Variants in WDFY1 observed in about 807,000 individuals in gnomAD.
WDFY1 encodes the protein WD repeat and FYVE domain-containing protein 1.
In WDFY1, 32 loss-of-function variants were observed where a neutral mutation model predicts 56.4. That is an observed-to-expected ratio of 0.57 (90% confidence interval 0.43 to 0.76). The LOEUF is 0.76. Among genes scored for constraint, WDFY1 ranks in the 30% least tolerant of loss-of-function variants. The probability of loss-of-function intolerance (pLI) is 0.00; values close to 1 mark genes in which losing one functional copy is unlikely to be tolerated. For synonymous variants in WDFY1, 192 were observed against 197.3 expected, an observed-to-expected ratio of 0.97 and a Z score of 0.23; for missense variants, 480 against 545.7, an observed-to-expected ratio of 0.88 and a Z score of 1.20.
At chr2:223,912,369 C>CT (rs1463593459) in intron 2 of WDFY1, 43 bp from the exon 3 acceptor site, 1 of 1,513,084 alleles carries the variant, frequency 6.6e-7, no homozygotes, top group East Asian at 2.3e-5. Flanking sequence ...AAGCTAAGCA[C>CT]TTTAAGTTGT....
chr2:223,938,350 T>C (rs967283754), intron 1 of WDFY1, among the ~76,000 whole-genome samples: 3 of 151,732 alleles, frequency 2.0e-5, no homozygotes, highest in African/African-American at 7.2e-5. Flanking sequence ...ATCAACTGAC[T>C]GTCTACATTT....
chr2:223,933,367 TCCAAA>T (rs1325774405), intron 1 of WDFY1, among the ~76,000 whole-genome samples: 2 of 146,600 alleles, frequency 1.4e-5, no homozygotes, highest in African/African-American at 5.0e-5. Flanking sequence ...TTTTTTTTAC[TCCAAA>T]CCATTCTTGC....
chr2:223,884,857 TTC>T, intron 8 of WDFY1, 108 bp from the exon 9 acceptor site: 1 of 819,806 alleles, frequency 1.2e-6, no homozygotes, highest in Admixed American at 3.9e-5. Context: ...ATTTCTTTTC[TTC>T]TTTTTTTTTT....
chr2:223,930,592 G>A (rs978418513), intron 1 of WDFY1, among the ~76,000 whole-genome samples: 2 of 152,172 alleles, frequency 1.3e-5, no homozygotes, highest in Non-Finnish European at 2.9e-5. Flanking sequence ...TGGCCTCCCA[G>A]GCATGAACTG....
rs535361683 is a variant in WDFY1, at chr2:223,944,972, G to A, written c.137+176C>T. The stretch of plus-strand genomic sequence containing the variant: ...GGCTGGAAAGGTGCAAGTCGAGGCT[G>A]GAGGACCGGCGGGAGGGAACCGGGA... On this transcript the variant is annotated intron_variant, in intron 1 of 11. Transcript: ENST00000233055. Among the ~76,000 whole-genome samples the A allele has an allele frequency of 3.5e-4, 54 of 152,298 alleles. 1 individual carries two copies. The South Asian group carries it at 4.8e-3, about 13-fold the overall frequency.
Position 223,936,704 on chromosome 2 carries a change from G to T in WDFY1, c.137+8444C>A, listed in dbSNP as rs188994422. Reference sequence around the variant, plus strand: ...GACCTCACCATTCCCTAACTCCTAAGAATGGCTCACTGTGCTTCATGCCTG... The same window carrying T: ...GACCTCACCATTCCCTAACTCCTAATAATGGCTCACTGTGCTTCATGCCTG... On this transcript the variant is annotated intron_variant, in intron 1 of 11. Coordinates refer to ENST00000233055, the MANE Select transcript of WDFY1 (RefSeq NM_020830.5). Among the ~76,000 whole-genome samples, 143 of 152,278 alleles carry T rather than the reference G, an allele frequency of 9.4e-4. 6 individuals carry two copies. In the East Asian group the frequency reaches 0.024, roughly 25 times the overall value.
rs367982741 is a variant in WDFY1 at position 223,894,324 on chromosome 2, C to G, written c.741G>C (p.Ser247=). Residue 247 remains serine, a synonymous_variant, in exon 8 of 12, where the codon TCG becomes TCC. Coordinates refer to ENST00000233055, the MANE Select transcript of WDFY1 (RefSeq NM_020830.5). ...LLQGHHDKVQ[S]LCYLQLTRQL... is the part of the protein sequence containing the mutation. ...GCCTGGTGAGCTGAAGGTAGCACAG[C>G]GACTGCACCTTGTCACTGCAAACAG... 3.7e-6 allele frequency: 6 copies of G among 1,614,062 alleles called. No individual in the cohort carries two copies. The African/African-American group carries it at 6.7e-5, about 18-fold the overall frequency.
At chr2:223,888,874 C>A (rs1693219176) in intron 8 of WDFY1, among the ~76,000 whole-genome samples, 1 of 147,002 alleles carries the variant, frequency 6.8e-6, no homozygotes. Flanking sequence ...AGGCGTGAGT[C>A]ACCGTGCCTG....
chr2:223,899,301 T>C, intron 5 of WDFY1: 2 of 446,064 alleles, frequency 4.5e-6, no homozygotes, highest in Non-Finnish European at 8.1e-6. Context: ...AGAAAGTTTA[T>C]ATTCATTCAT....
chr2:223,895,427 G>GT, intron 7 of WDFY1, 77 bp downstream of exon 7: 1 of 1,602,904 alleles, frequency 6.2e-7, no homozygotes, highest in Non-Finnish European at 8.5e-7. Context: ...GCAGAAAGTG[G>GT]TATCAGACTA....
At chr2:223,913,540 A>G (rs1693738683) in intron 2 of WDFY1, among the ~76,000 whole-genome samples, 1 of 152,218 alleles carries the variant, frequency 6.6e-6, no homozygotes, top group Non-Finnish European at 1.5e-5. Context: ...AAGTATTATG[A>G]CCACAAAGAT....
intron 7 of WDFY1, among the ~76,000 whole-genome samples, chr2:223,895,183 T>C (rs565065973): frequency 6.6e-6 from 1 of 152,352 alleles, no homozygotes; most frequent in African/African-American, 2.4e-5. Flanking sequence ...CACCTGCATC[T>C]CTATCCTATG....
rs143543790 is a variant in WDFY1 at position 223,909,076 on chromosome 2, G to A, written c.280-3075C>T. Among the ~76,000 whole-genome samples, 3 of 152,224 alleles carry A rather than the reference G, an allele frequency of 2.0e-5. No homozygotes were observed. The East Asian group carries it at 5.8e-4, about 29-fold the overall frequency. ...CTGAGCTCACAAAAACCAGAAACCT[G>A]CTCCTGCTCCTCAGAGGTTTTAGCA... On this transcript the variant is annotated intron_variant, in intron 3 of 11. Coordinates refer to ENST00000233055, the MANE Select transcript of WDFY1 (RefSeq NM_020830.5).
intron 8 of WDFY1, among the ~76,000 whole-genome samples, chr2:223,885,510 G>A (rs906453671): frequency 1.6e-4 from 24 of 152,186 alleles, no homozygotes; most frequent in African/African-American, 5.8e-4. Context: ...ACTGTGTGCC[G>A]AGTAATCATG....
Position 223,878,593 on chromosome 2 carries a change from G to T in WDFY1, c.*78C>A. 9.2e-7 allele frequency: 1 copy of T among 1,092,646 alleles called. No individual in the cohort carries two copies. Among genetic ancestry groups the T allele is most frequent in the South Asian group, 1.3e-5 (1 of 77,470 alleles). The allele number at this position is 1,092,646 out of a possible 1,614,324, so 67.7% of individuals were successfully genotyped here. ...GTGGCTACTGTCCATTCACGAGACA[G>T]CGCTGTGGAGCTGCGTGAGAGGGAC... On this transcript the variant is annotated 3_prime_UTR_variant, in exon 12 of 12. Transcript: ENST00000233055.
intron 1 of WDFY1, among the ~76,000 whole-genome samples, chr2:223,919,301 C>T (rs539661597): frequency 6.6e-6 from 1 of 152,194 alleles, no homozygotes; most frequent in Non-Finnish European, 1.5e-5. Context: ...ACCGCCACCT[C>T]CCGGGTTCAA....
At chr2:223,903,153 G>A (rs986832436) in intron 4 of WDFY1, among the ~76,000 whole-genome samples, 8 of 152,114 alleles carry the variant, frequency 5.3e-5, no homozygotes, top group African/African-American at 1.9e-4. Context: ...TTTCTAAAAT[G>A]TTATTAGTCA....
rs749928715 is a variant in WDFY1 at position 223,917,938 on chromosome 2, C to A, written c.205+5G>T. On this transcript the variant is annotated splice_donor_5th_base_variant and intron_variant, in intron 2 of 11. Transcript: ENST00000233055. Reference sequence around the variant, plus strand: ...TCTCTCAAATGGAACAGTTCAGCTACTTACAGGCCATTGTGTGGTAAATGC... The same window carrying A: ...TCTCTCAAATGGAACAGTTCAGCTAATTACAGGCCATTGTGTGGTAAATGC... 1 of 1,614,006 alleles carries A rather than the reference C, an allele frequency of 6.2e-7. No homozygotes were observed. The highest frequency in any genetic ancestry group is 8.5e-7 in the Non-Finnish European group (1 of 1,179,942).
chr2:223,913,347 C>T (rs1693736660), intron 2 of WDFY1, among the ~76,000 whole-genome samples: 1 of 152,198 alleles, frequency 6.6e-6, no homozygotes, highest in Non-Finnish European at 1.5e-5. Context: ...CTGGATCGTA[C>T]CCCAAAGCAA....
Sources: gnomAD v4.1 joint callset for allele counts (sites outside exome capture counted in the v4.1 genomes callset) on GRCh38, gnomAD v4.1.1 for gene constraint, MANE v1.5 for transcripts, NCBI Gene and HGNC (gene_info 2026-07-23, HGNC 2026-07-21) for gene names.